The following CACNA1C variants were observed in gnomAD, a reference collection of about 807,000 sequenced individuals.
CACNA1C encodes the protein voltage-dependent L-type calcium channel subunit alpha-1C.
A neutral mutation model predicts 229.0 loss-of-function variants in CACNA1C; 30 were observed. The ratio of observed to expected loss-of-function variants is 0.13; its 90% CI spans 0.10 to 0.18. The LOEUF (loss-of-function observed/expected upper bound fraction) is 0.18. Ranked by LOEUF, CACNA1C falls within the 10% of genes least tolerant of loss-of-function variation. CACNA1C has a pLI of 1.00. For synonymous variants in CACNA1C, 1,114 were observed against 1,132.5 expected (o/e 0.98, Z 0.33); for missense variants, 1,658 against 2,845.0 (o/e 0.58, Z 9.49).
At chr12:2,398,403 T>G (rs2098626142) in intron 3 of CACNA1C, among the ~76,000 whole-genome samples, 1 of 152,248 alleles carries the variant, frequency 6.6e-6, no homozygotes, top group Admixed American at 6.5e-5. Context: ...CCAAACTATA[T>G]GCCCTTCATC....
chr12:1,997,879 G>A (rs752329241), intron 1 of CACNA1C: 25 of 1,386,086 alleles, frequency 1.8e-5, no homozygotes, highest in Middle Eastern at 3.6e-4. Context: ...GTGACACAAC[G>A]GAGCTAAAAT....
intron 1 of CACNA1C, among the ~76,000 whole-genome samples, chr12:2,088,698 T>G (rs1341442565): frequency 6.6e-6 from 1 of 152,188 alleles, no homozygotes; most frequent in Non-Finnish European, 1.5e-5. Flanking sequence ...TCCTCCCATG[T>G]ATCTGAAGGG....
chr12:2,502,107 C>G (rs963556786), intron 7 of CACNA1C, among the ~76,000 whole-genome samples: 2 of 152,246 alleles, frequency 1.3e-5, no homozygotes, highest in African/African-American at 4.8e-5. Context: ...CGCAGACACT[C>G]TTCCACTGGT....
At chr12:1,984,668 A>G (rs931397264) in intron 1 of CACNA1C, among the ~76,000 whole-genome samples, 1 of 149,146 alleles carries the variant, frequency 6.7e-6, no homozygotes, top group Non-Finnish European at 1.5e-5. Flanking sequence ...CCGTATATTT[A>G]CTATTTCTGT....
chr12:2,523,172 G>A (rs566332004), intron 9 of CACNA1C, among the ~76,000 whole-genome samples: 2 of 148,888 alleles, frequency 1.3e-5, no homozygotes, highest in Non-Finnish European at 3.0e-5. Context: ...CTGGTAGTAG[G>A]GCATGGGTTT....
intron 3 of CACNA1C, among the ~76,000 whole-genome samples, chr12:2,159,672 T>C (rs1383597142): frequency 6.7e-6 from 1 of 150,224 alleles, no homozygotes; most frequent in African/African-American, 2.5e-5. Flanking sequence ...CGGCATAATC[T>C]CGGCTCACTG....
chr12:2,580,280 G>A (rs2060035090), intron 13 of CACNA1C, among the ~76,000 whole-genome samples: 1 of 152,212 alleles, frequency 6.6e-6, no homozygotes, highest in African/African-American at 2.4e-5. Context: ...TGCCCTCGAG[G>A]CTGCAGGTTG....
intron 3 of CACNA1C, among the ~76,000 whole-genome samples, chr12:2,309,703 TAAG>T (rs1010230934): frequency 6.6e-6 from 1 of 152,098 alleles, no homozygotes; most frequent in Admixed American, 6.5e-5. Flanking sequence ...TAAAAGTAAA[TAAG>T]AAGAAAGTAT....
chr12:2,242,358 C>T (rs2070849304), intron 3 of CACNA1C, among the ~76,000 whole-genome samples: 1 of 152,160 alleles, frequency 6.6e-6, no homozygotes, highest in South Asian at 2.1e-4. Context: ...TGACACTTGG[C>T]CTCCGTGCTG....
Position 2,620,695 on chromosome 12 carries a change from A to G in CACNA1C, c.3828+8682A>G, listed in dbSNP as rs2153500678. On this transcript the variant is annotated intron_variant, in intron 29 of 46. Coordinates refer to ENST00000399655, the MANE Select transcript of CACNA1C (RefSeq NM_000719.7). ...GTCAGCTGACAGGTGGGCTCAGGAA[A>G]GTGAAACCGAAGCCTACTACACACT... Among the ~76,000 whole-genome samples the G allele has an allele frequency of 1.3e-5, 2 of 152,356 alleles. 1 individual carries two copies.
intron 13 of CACNA1C, among the ~76,000 whole-genome samples, chr12:2,574,364 C>G (rs2057560138): frequency 6.6e-6 from 1 of 152,220 alleles, no homozygotes; most frequent in African/African-American, 2.4e-5. Context: ...AGAAGGGCTC[C>G]AGACAGATTC....
At chr12:2,227,531 T>C (rs954512188) in intron 3 of CACNA1C, among the ~76,000 whole-genome samples, 1 of 152,186 alleles carries the variant, frequency 6.6e-6, no homozygotes, top group Non-Finnish European at 1.5e-5. Flanking sequence ...GGTGAATCAT[T>C]ATATGTCAGT....
chr12:2,236,016 G>C (rs2067213992), intron 3 of CACNA1C, among the ~76,000 whole-genome samples: 1 of 152,172 alleles, frequency 6.6e-6, no homozygotes, highest in Non-Finnish European at 1.5e-5. Flanking sequence ...TAATAATTTT[G>C]CTTATGGACA....
chr12:2,551,556 A>T (rs1255460535), intron 10 of CACNA1C, among the ~76,000 whole-genome samples: 1 of 152,042 alleles, frequency 6.6e-6, no homozygotes, highest in Non-Finnish European at 1.5e-5. Flanking sequence ...CGCCCCAGAC[A>T]ATGATGAGCC....
chr12:2,621,136 C>T (rs981194705), intron 29 of CACNA1C, among the ~76,000 whole-genome samples: 2 of 152,122 alleles, frequency 1.3e-5, no homozygotes, highest in Non-Finnish European at 2.9e-5. Flanking sequence ...AGTTCTTGAG[C>T]GCCTCAGTGA....
At chr12:2,139,953 A>G (rs2093980771) in intron 3 of CACNA1C, among the ~76,000 whole-genome samples, 1 of 150,740 alleles carries the variant, frequency 6.6e-6, no homozygotes, top group South Asian at 2.1e-4. Context: ...GGTGCTGTGA[A>G]TCAGGTTTGG....
chr12:2,220,775 A>C (rs780098201), intron 3 of CACNA1C: 6 of 152,238 alleles, frequency 3.9e-5, no homozygotes, highest in African/African-American at 1.4e-4. Flanking sequence ...ACATGTATTT[A>C]TCGAGGATGA....
At chr12:2,117,740 A>G (rs886754562) in intron 2 of CACNA1C, among the ~76,000 whole-genome samples, 3 of 152,228 alleles carry the variant, frequency 2.0e-5, no homozygotes, top group Non-Finnish European at 2.9e-5. Context: ...GCACTGGGAC[A>G]CGCCGGACCT....
chr12:2,283,264 A>G (rs1452301984), intron 3 of CACNA1C, among the ~76,000 whole-genome samples: 7 of 152,194 alleles, frequency 4.6e-5, no homozygotes, highest in Non-Finnish European at 8.8e-5. Flanking sequence ...TAGTGACACA[A>G]TCCAATTAAC....
Sources: gnomAD v4.1 joint callset for allele counts (sites outside exome capture counted in the v4.1 genomes callset) on GRCh38, gnomAD v4.1.1 for gene constraint, MANE v1.5 for transcripts, NCBI Gene and HGNC (gene_info 2026-07-23, HGNC 2026-07-21) for gene names.